The following PLCB4 variants were observed in gnomAD, a reference collection of about 807,000 sequenced individuals.
PLCB4 encodes the protein 1-phosphatidylinositol 4,5-bisphosphate phosphodiesterase beta-4.
Under a neutral mutation model 178.8 loss-of-function variants are expected in PLCB4, and 77 were observed. That is an observed-to-expected ratio of 0.43 (90% CI 0.36 to 0.52). The LOEUF (loss-of-function observed/expected upper bound fraction) is 0.52, where lower values mean the gene tolerates loss of function less well. PLCB4 is among the 20% of genes least tolerant of loss of function. PLCB4 has a pLI of 0.00. For synonymous variants in PLCB4, 496 were observed against 490.8 expected, an observed-to-expected ratio of 1.01 and a Z score of -0.14; for missense variants, 1,024 against 1,453.4, an observed-to-expected ratio of 0.70 and a Z score of 4.80.
intron 18 of PLCB4, among the ~76,000 whole-genome samples, chr20:9,394,480 A>G (rs574421636): frequency 5.9e-5 from 9 of 152,274 alleles, no homozygotes; most frequent in African/African-American, 2.2e-4. Context: ...TACTGAGTTT[A>G]AATTTTTAAA....
chr20:9,233,158 C>A (rs1230757232), intron 3 of PLCB4, among the ~76,000 whole-genome samples: 1 of 151,960 alleles, frequency 6.6e-6, no homozygotes, highest in Admixed American at 6.6e-5. Flanking sequence ...TTTTGATAAT[C>A]CAAAAATGAG....
chr20:9,474,415 A>G (rs140642453), intron 38 of PLCB4, among the ~76,000 whole-genome samples: 2 of 152,270 alleles, frequency 1.3e-5, no homozygotes, highest in Admixed American at 6.5e-5. Flanking sequence ...CAAGACCCTC[A>G]GTTATCATTT....
rs2032574531 is a variant in PLCB4 at position 9,337,109 on chromosome 20, A to G, written c.85-17A>G. The stretch of plus-strand genomic sequence containing the variant: ...AATGGTGTGAGTCATGAAGATCAAC[A>G]CATTTCTTTTTGACAGGAATCCTTT... On this transcript the variant is annotated splice_polypyrimidine_tract_variant and intron_variant, in intron 4 of 39. Transcript: ENST00000378473. 1 of 1,559,050 alleles carries G rather than the reference A, an allele frequency of 6.4e-7. No individual in the cohort carries two copies. Among genetic ancestry groups the G allele is most frequent in the Non-Finnish European group, 8.8e-7 (1 of 1,130,084 alleles).
chr20:9,223,657 G>A (rs2093827501), intron 3 of PLCB4, among the ~76,000 whole-genome samples: 1 of 152,152 alleles, frequency 6.6e-6, no homozygotes, highest in African/African-American at 2.4e-5. Context: ...CAGCCTGCCT[G>A]GGCTTCAGTG....
chr20:9,115,677 T>C (rs2091756677), intron 2 of PLCB4, among the ~76,000 whole-genome samples: 2 of 149,670 alleles, frequency 1.3e-5, no homozygotes, highest in South Asian at 2.1e-4. Context: ...GAACATGCGG[T>C]AAAACTTCTT....
intron 1 of PLCB4, among the ~76,000 whole-genome samples, chr20:9,093,118 G>A (rs937202813): frequency 2.0e-5 from 3 of 152,098 alleles, no homozygotes; most frequent in African/African-American, 7.2e-5. Context: ...AAATGCATAA[G>A]GCCTTAGGAT....
intron 2 of PLCB4, among the ~76,000 whole-genome samples, chr20:9,126,767 T>A (rs1300869251): frequency 1.4e-5 from 2 of 146,722 alleles, no homozygotes; most frequent in Non-Finnish European, 3.0e-5. Flanking sequence ...TGTCATTTCA[T>A]TTGCTTTTTT....
intron 3 of PLCB4, among the ~76,000 whole-genome samples, chr20:9,248,618 C>T (rs2147467305): frequency 6.6e-6 from 1 of 152,290 alleles, no homozygotes; most frequent in Non-Finnish European, 1.5e-5. Flanking sequence ...TTATTTATTT[C>T]TGTTTTCTGT....
chr20:9,270,322 T>C (rs894624577), intron 3 of PLCB4, among the ~76,000 whole-genome samples: 5 of 152,144 alleles, frequency 3.3e-5, no homozygotes, highest in Non-Finnish European at 5.9e-5. Context: ...TTGTCTGTTG[T>C]TTGTCTGTAT....
chr20:9,314,957 C>T (rs566713734), intron 4 of PLCB4, among the ~76,000 whole-genome samples: 5 of 151,936 alleles, frequency 3.3e-5, no homozygotes, highest in African/African-American at 9.6e-5. Context: ...CTGCAACCTC[C>T]GCCTCCTGGG....
intron 28 of PLCB4, among the ~76,000 whole-genome samples, chr20:9,430,773 C>T (rs1012089929): frequency 2.0e-5 from 3 of 152,020 alleles, no homozygotes; most frequent in Non-Finnish European, 2.9e-5. Context: ...TAGAATCAGC[C>T]CTAGAAGCTG....
intron 1 of PLCB4, among the ~76,000 whole-genome samples, chr20:9,094,885 G>C (rs542398058): frequency 6.6e-6 from 1 of 152,170 alleles, no homozygotes; most frequent in African/African-American, 2.4e-5. Context: ...TTTGTTAGCA[G>C]AGCTTACCTG....
At position 9,386,228 on chromosome 20, in the gene PLCB4, C is replaced by T. The variant is rs560958738; in HGVS notation, c.1065-1235C>T. Among the ~76,000 whole-genome samples, 19 of 144,790 alleles carry T rather than the reference C, an allele frequency of 1.3e-4. No individual in the cohort carries two copies. The East Asian group carries it at 1.9e-3, about 14-fold the overall frequency. The allele number at this position is 144,790 out of a possible 152,430, so 95.0% of individuals were successfully genotyped here. On this transcript the variant is annotated intron_variant, in intron 14 of 39. Coordinates refer to ENST00000378473, the MANE Select transcript of PLCB4 (RefSeq NM_001377142.1). ...AGACCACGGCAGTATAGTCCAGCCT[C>T]GGCAACGGAGGGAGACCGAAGAAAG... is the stretch of plus-strand genomic sequence containing the variant.
At position 9,470,325 on chromosome 20, in the gene PLCB4, CATCTCAAA is replaced by C. The variant is rs964356503; in HGVS notation, c.3350+1655_3350+1662del. Among the ~76,000 whole-genome samples, 45 of 150,770 alleles carry C rather than the reference CATCTCAAA, an allele frequency of 3.0e-4. 2 individuals carry two copies. The highest frequency in any genetic ancestry group is 4.0e-4 in the Admixed American group (6 of 15,166). ...CAGCCTGGCCAACAGAGCAAAACTCCATCTCAAAAAAAAAAAGAAAAGAAAAAATGTCA... is the reference window on the plus strand; with the variant it reads ...CAGCCTGGCCAACAGAGCAAAACTCCAAAAAAAAGAAAAGAAAAAATGTCA... On this transcript the variant is annotated intron_variant, in intron 36 of 39. Coordinates refer to ENST00000378473, the MANE Select transcript of PLCB4 (RefSeq NM_001377142.1).
At chr20:9,166,302 C>A (rs2092969544) in intron 2 of PLCB4, 1 of 152,154 alleles carries the variant, frequency 6.6e-6, no homozygotes, top group Non-Finnish European at 1.5e-5. Context: ...GGTGGCTCTT[C>A]TTGTTATGTT....
Position 9,389,710 on chromosome 20 carries a change from A to G in PLCB4, c.1159-169A>G, listed in dbSNP as rs148595650. Among the ~76,000 whole-genome samples, 302 of 152,358 alleles carry G rather than the reference A, an allele frequency of 2.0e-3. 2 individuals are homozygous for G. The highest frequency in any genetic ancestry group is 6.8e-3 in the Middle Eastern group (2 of 294). ...ATTAACCATTAACTGCACCCTGGCT[A>G]TAACCACAGGGAACTCAACCTTTAG... is the stretch of plus-strand genomic sequence containing the variant. On this transcript the variant is annotated intron_variant, in intron 15 of 39. Transcript: ENST00000378473.
chr20:9,330,453 C>T lies in PLCB4; in HGVS notation c.85-6673C>T, dbSNP rs754088452. On this transcript the variant is annotated intron_variant, in intron 4 of 39. Coordinates refer to ENST00000378473, the MANE Select transcript of PLCB4 (RefSeq NM_001377142.1). ...ACCTAGGCAGTGTTCGTTTATTGAC[C>T]GTCCAACAATCTTCTGGCGATAGGC... 1.4e-4 allele frequency among the ~76,000 whole-genome samples: 22 copies of T among 152,154 alleles called. No individual in the cohort carries two copies. In the South Asian group the frequency reaches 2.1e-3, roughly 14 times the overall value.
chr20:9,427,942 G>A (rs2041140504), intron 28 of PLCB4, among the ~76,000 whole-genome samples: 1 of 152,072 alleles, frequency 6.6e-6, no homozygotes, highest in African/African-American at 2.4e-5. Context: ...CATAAATTTT[G>A]CCTCCTCTTC....
chr20:9,307,389 A>G (rs1457851124), intron 3 of PLCB4, among the ~76,000 whole-genome samples: 1 of 152,014 alleles, frequency 6.6e-6, no homozygotes, highest in East Asian at 1.9e-4. Flanking sequence ...GTTCACCTTC[A>G]AGCCCATAGT....
Sources: gnomAD v4.1 joint callset for allele counts (sites outside exome capture counted in the v4.1 genomes callset) on GRCh38, gnomAD v4.1.1 for gene constraint, MANE v1.5 for transcripts, NCBI Gene and HGNC (gene_info 2026-07-23, HGNC 2026-07-21) for gene names.